The following TMEM38B variants were observed in gnomAD, a reference collection of about 807,000 sequenced individuals.
The protein encoded by TMEM38B is transmembrane protein 38B.
In TMEM38B, 24 loss-of-function variants were observed where a neutral mutation model predicts 28.7. The observed-to-expected ratio is 0.84, with a 90% confidence interval of 0.61 to 1.18. The LOEUF (loss-of-function observed/expected upper bound fraction) is 1.18, where lower values mean the gene tolerates loss of function less well. TMEM38B is among the 50% of genes most tolerant of loss of function. The pLI, the probability that TMEM38B is intolerant of heterozygous loss-of-function variation, is 0.00. For synonymous variants in TMEM38B, 131 were observed against 127.7 expected, an observed-to-expected ratio of 1.03 and a Z score of -0.17; for missense variants, 380 against 350.9, an observed-to-expected ratio of 1.08 and a Z score of -0.66.
At chr9:105,702,671 G>GTTATTTAT (rs71489347) in intron 1 of TMEM38B, 13 of 151,302 alleles carry the variant, frequency 8.6e-5, no homozygotes, top group African/African-American at 3.2e-4. Context: ...TCATGATGAA[G>GTTATTTAT]TTATTTATTT....
rs745314787 is a variant in TMEM38B at position 105,694,615 on chromosome 9, G to C, written c.-46G>C. 4 of 1,544,672 alleles carry C rather than the reference G, an allele frequency of 2.6e-6. No homozygotes were observed. In the African/African-American group the frequency reaches 4.1e-5, roughly 16 times the overall value. On this transcript the variant is annotated 5_prime_UTR_variant, in exon 1 of 6. Coordinates refer to ENST00000374692, the MANE Select transcript of TMEM38B (RefSeq NM_018112.3). ...CTACTCCTCACCGCGCGAGCGCGGGGAACCAGTAGCCGCGGCTGCTTCGGT... is the reference window on the plus strand; with the variant it reads ...CTACTCCTCACCGCGCGAGCGCGGGCAACCAGTAGCCGCGGCTGCTTCGGT...
chr9:105,729,367 G>A (rs536886108), intron 4 of TMEM38B, among the ~76,000 whole-genome samples: 77 of 152,206 alleles, frequency 5.1e-4, no homozygotes, highest in African/African-American at 1.8e-3. Context: ...TTTTTCTCAG[G>A]TTTGTCAAAG....
intron 1 of TMEM38B, among the ~76,000 whole-genome samples, chr9:105,700,121 A>G (rs1343853336): frequency 1.3e-5 from 2 of 152,236 alleles, no homozygotes; most frequent in Non-Finnish European, 2.9e-5. Context: ...AAATTCTGCC[A>G]TGACTATTCT....
At chr9:105,768,674 T>C (rs968415484) in intron 5 of TMEM38B, among the ~76,000 whole-genome samples, 1 of 152,180 alleles carries the variant, frequency 6.6e-6, no homozygotes, top group Non-Finnish European at 1.5e-5. Flanking sequence ...TTAAGTTTTT[T>C]ATTGTTGGCA....
chr9:105,707,309 T>C (rs1835706031), intron 2 of TMEM38B, among the ~76,000 whole-genome samples: 1 of 152,126 alleles, frequency 6.6e-6, no homozygotes, highest in African/African-American at 2.4e-5. Context: ...AATTTTGAAG[T>C]GAAGAAAAAA....
At chr9:105,762,566 G>C (rs1838100799) in intron 5 of TMEM38B, among the ~76,000 whole-genome samples, 1 of 142,904 alleles carries the variant, frequency 7.0e-6, no homozygotes, top group African/African-American at 2.7e-5. Context: ...TTTCATCCAT[G>C]TCCCTACAAA....
At chr9:105,747,635 C>A (rs1309580850) in intron 4 of TMEM38B, among the ~76,000 whole-genome samples, 1 of 152,082 alleles carries the variant, frequency 6.6e-6, no homozygotes, top group Admixed American at 6.5e-5. Context: ...AATGTGTTTG[C>A]TCTTGCTTCT....
chr9:105,710,991 CTGG>C (rs2133561924), intron 2 of TMEM38B, among the ~76,000 whole-genome samples: 1 of 152,254 alleles, frequency 6.6e-6, no homozygotes, highest in South Asian at 2.1e-4. Flanking sequence ...CACCAGGCAG[CTGG>C]TGATTTTTTT....
At chr9:105,732,691 A>G (rs1836800983) in intron 4 of TMEM38B, among the ~76,000 whole-genome samples, 1 of 152,158 alleles carries the variant, frequency 6.6e-6, no homozygotes, top group South Asian at 2.1e-4. Flanking sequence ...TACCAGTACC[A>G]TGCTATTTTG....
chr9:105,726,977 A>G (rs1836540847), intron 4 of TMEM38B, among the ~76,000 whole-genome samples: 2 of 151,968 alleles, frequency 1.3e-5, no homozygotes, highest in Admixed American at 6.6e-5. Flanking sequence ...TTGTACTAGC[A>G]ATTATATCTT....
At chr9:105,763,814 T>C (rs1350090252) in intron 5 of TMEM38B, among the ~76,000 whole-genome samples, 3 of 151,592 alleles carry the variant, frequency 2.0e-5, no homozygotes, top group Admixed American at 6.6e-5. Flanking sequence ...TTGATGAACA[T>C]TGATGCAAAA....
chr9:105,725,995 A>T (rs1246415714), intron 4 of TMEM38B, among the ~76,000 whole-genome samples: 3 of 152,070 alleles, frequency 2.0e-5, no homozygotes, highest in East Asian at 1.9e-4. Flanking sequence ...ATTTTTAAAA[A>T]TTTTTAAGTA....
At chr9:105,711,683 C>T (rs951909470) in intron 2 of TMEM38B, among the ~76,000 whole-genome samples, 35 of 151,204 alleles carry the variant, frequency 2.3e-4, no homozygotes, top group Admixed American at 1.2e-3. Context: ...AGCTGAGTGT[C>T]GTGACGCATG....
intron 4 of TMEM38B, among the ~76,000 whole-genome samples, chr9:105,725,591 A>G (rs1377319542): frequency 6.6e-6 from 1 of 152,124 alleles, no homozygotes; most frequent in Non-Finnish European, 1.5e-5. Flanking sequence ...CACCTAGGCT[A>G]TATGGTATAG....
chr9:105,752,343 G>A (rs988484479), intron 5 of TMEM38B, among the ~76,000 whole-genome samples: 6 of 152,230 alleles, frequency 3.9e-5, no homozygotes, highest in East Asian at 1.9e-4. Flanking sequence ...TTTTTTAAGC[G>A]GGTCCCTGAT....
chr9:105,745,114 C>A (rs569819828), intron 4 of TMEM38B, among the ~76,000 whole-genome samples: 1 of 152,198 alleles, frequency 6.6e-6, no homozygotes, highest in Non-Finnish European at 1.5e-5. Flanking sequence ...GTAATGGGAT[C>A]GCTGGGTCAA....
chr9:105,759,667 C>A, intron 5 of TMEM38B: 1 of 1,601,456 alleles, frequency 6.2e-7, no homozygotes, highest in South Asian at 1.1e-5. Context: ...CATAGAAGGA[C>A]AAAATACTAA....
chr9:105,768,324 C>A (rs1443929685), intron 5 of TMEM38B, among the ~76,000 whole-genome samples: 5 of 152,014 alleles, frequency 3.3e-5, no homozygotes, highest in African/African-American at 9.7e-5. Flanking sequence ...TTACTGAATC[C>A]ATTTTTTAAA....
At chr9:105,757,212 G>A (rs1837864274) in intron 5 of TMEM38B, among the ~76,000 whole-genome samples, 1 of 152,236 alleles carries the variant, frequency 6.6e-6, no homozygotes, top group South Asian at 2.1e-4. Context: ...ACTCCATCCA[G>A]GTTGCTGCAA....
Sources: allele counts gnomAD v4.1 joint callset (sites outside exome capture counted in the v4.1 genomes callset), GRCh38; gene constraint gnomAD v4.1.1; transcripts MANE v1.5; gene names NCBI Gene and HGNC (gene_info 2026-07-23, HGNC 2026-07-21).